The following TTLL5 variants were observed in gnomAD, a reference collection of about 807,000 sequenced individuals.
TTLL5 encodes the protein tubulin polyglutamylase TTLL5.
A neutral mutation model predicts 168.4 loss-of-function variants in TTLL5; 132 were observed. That is an observed-to-expected ratio of 0.78 (90% confidence interval 0.68 to 0.91). The LOEUF is 0.91. TTLL5 is among the 40% of genes least tolerant of loss of function. The pLI is 0.00. For synonymous variants in TTLL5, 546 were observed against 558.6 expected, an observed-to-expected ratio of 0.98 and a Z score of 0.32; for missense variants, 1,545 against 1,581.5, an observed-to-expected ratio of 0.98 and a Z score of 0.39.
chr14:75,662,803 A>G (rs1404640595), intron 1 of TTLL5, among the ~76,000 whole-genome samples: 1 of 152,176 alleles, frequency 6.6e-6, no homozygotes, highest in Non-Finnish European at 1.5e-5. Context: ...ATAATGAGAA[A>G]CTCAAACTTA....
chr14:75,743,650 C>G (rs952663185), intron 15 of TTLL5, among the ~76,000 whole-genome samples: 1 of 130,226 alleles, frequency 7.7e-6, no homozygotes, highest in African/African-American at 2.9e-5. Context: ...GGCGTGATCT[C>G]AGCTCACTGC....
intron 27 of TTLL5, among the ~76,000 whole-genome samples, chr14:75,811,965 C>T (rs1199076263): frequency 6.6e-6 from 1 of 152,194 alleles, no homozygotes; most frequent in Non-Finnish European, 1.5e-5. Flanking sequence ...TTCTCCTACC[C>T]CCTTTTCAAT....
At chr14:75,755,253 A>C (rs1445291908) in intron 18 of TTLL5, among the ~76,000 whole-genome samples, 1 of 144,658 alleles carries the variant, frequency 6.9e-6, no homozygotes, top group Non-Finnish European at 1.5e-5. Flanking sequence ...CAACCAGAGC[A>C]AAACTCTGTC....
chr14:75,749,627 C>T (rs1889827237), intron 17 of TTLL5, among the ~76,000 whole-genome samples: 1 of 152,046 alleles, frequency 6.6e-6, no homozygotes, highest in Non-Finnish European at 1.5e-5. Context: ...AAGAGAGGTG[C>T]TCAGTGCATC....
At chr14:75,908,715 TTCTG>T (rs1360692254) in intron 31 of TTLL5, among the ~76,000 whole-genome samples, 2 of 152,170 alleles carry the variant, frequency 1.3e-5, no homozygotes, top group African/African-American at 4.8e-5. Flanking sequence ...TTTTCTTAGA[TTCTG>T]TATTTGTCTG....
intron 18 of TTLL5, among the ~76,000 whole-genome samples, chr14:75,757,343 A>G (rs991303936): frequency 7.2e-5 from 11 of 152,090 alleles, no homozygotes; most frequent in South Asian, 4.1e-4. Context: ...TTTGAACCCC[A>G]TGAGAATTGA....
intron 9 of TTLL5, among the ~76,000 whole-genome samples, chr14:75,712,655 G>A (rs1337884655): frequency 6.6e-6 from 1 of 151,840 alleles, no homozygotes; most frequent in Admixed American, 6.6e-5. Context: ...AGCAACTCCA[G>A]TGCAGTTTCA....
chr14:75,833,893 G>A (rs367745347), intron 28 of TTLL5, among the ~76,000 whole-genome samples: 1 of 151,994 alleles, frequency 6.6e-6, no homozygotes, highest in East Asian at 1.9e-4. Context: ...CTCCTCAAAG[G>A]GTTATTTGTT....
intron 28 of TTLL5, among the ~76,000 whole-genome samples, chr14:75,855,497 A>G (rs936592311): frequency 1.3e-5 from 2 of 152,200 alleles, no homozygotes; most frequent in Non-Finnish European, 2.9e-5. Flanking sequence ...TTTGCACCAC[A>G]TGGAGCAGAT....
chr14:75,823,848 G>C (rs1454823070), intron 28 of TTLL5, among the ~76,000 whole-genome samples: 1 of 152,146 alleles, frequency 6.6e-6, no homozygotes, highest in Non-Finnish European at 1.5e-5. Context: ...TGAGAAGTTG[G>C]AACCATTTTC....
intron 31 of TTLL5, among the ~76,000 whole-genome samples, chr14:75,947,055 G>A (rs577815516): frequency 2.6e-5 from 4 of 152,358 alleles, no homozygotes; most frequent in Admixed American, 2.6e-4. Context: ...GGGCCAAGGA[G>A]AGGACTTGGC....
chr14:75,878,781 C>T (rs932534414), intron 29 of TTLL5, among the ~76,000 whole-genome samples: 2 of 152,010 alleles, frequency 1.3e-5, no homozygotes, highest in African/African-American at 4.8e-5. Flanking sequence ...TATCTAAGGT[C>T]CTACCATAAA....
intron 10 of TTLL5, among the ~76,000 whole-genome samples, chr14:75,718,288 G>A (rs1362390497): frequency 6.6e-6 from 1 of 152,196 alleles, no homozygotes; most frequent in Admixed American, 6.5e-5. Context: ...GGTCATTTCA[G>A]CACTTGGCAA....
In TTLL5 at chr14:75,868,040, G is replaced by A. The variant is rs184577773; in HGVS notation, c.3522+4178G>A. The stretch of plus-strand genomic sequence containing the variant: ...TGGGGTCTGTGAGGAGGGCTGCACC[G>A]GCTGTGAGGCCTGACTGACCTGATT... On this transcript the variant is annotated intron_variant, in intron 29 of 31. Transcript: ENST00000298832. 3.9e-5 allele frequency among the ~76,000 whole-genome samples: 6 copies of A among 152,310 alleles called. No individual in the cohort carries two copies. The East Asian group carries it at 1.2e-3, about 29-fold the overall frequency.
chr14:75,755,835 C>T (rs1301226731), intron 18 of TTLL5, among the ~76,000 whole-genome samples: 1 of 152,112 alleles, frequency 6.6e-6, no homozygotes, highest in Non-Finnish European at 1.5e-5. Context: ...ATTCTCTACT[C>T]ATTTCTTTTA....
chr14:75,937,512 A>C (rs2034470923), intron 31 of TTLL5, among the ~76,000 whole-genome samples: 1 of 152,034 alleles, frequency 6.6e-6, no homozygotes, highest in Non-Finnish European at 1.5e-5. Context: ...CCATTAAACA[A>C]TAACTCCTCA....
intron 28 of TTLL5, among the ~76,000 whole-genome samples, chr14:75,829,722 A>G (rs1895456917): frequency 6.6e-6 from 1 of 152,214 alleles, no homozygotes; most frequent in South Asian, 2.1e-4. Flanking sequence ...TCCCAGGTGT[A>G]TAGGCTACGG....
In TTLL5 at chr14:75,930,414, A is replaced by G. The variant is rs375581151; in HGVS notation, c.3824-24010A>G. ...AGTGCTAACGTGACACTCAAAGGAA[A>G]TGCACATTGGAGCATTTTGGATTTT... On this transcript the variant is annotated intron_variant, in intron 31 of 31. Coordinates refer to ENST00000298832, the MANE Select transcript of TTLL5 (RefSeq NM_015072.5). 4.1e-4 allele frequency among the ~76,000 whole-genome samples: 62 copies of G among 152,346 alleles called. No individual in the cohort carries two copies. In the South Asian group the frequency reaches 9.9e-3, roughly 24 times the overall value.
At chr14:75,845,631 A>G (rs961262608) in intron 28 of TTLL5, among the ~76,000 whole-genome samples, 2 of 152,198 alleles carry the variant, frequency 1.3e-5, no homozygotes, top group African/African-American at 4.8e-5. Context: ...TGTGCTTTGT[A>G]TGATTTGTGC....
Sources: allele counts gnomAD v4.1 joint callset (sites outside exome capture counted in the v4.1 genomes callset), GRCh38; gene constraint gnomAD v4.1.1; transcripts MANE v1.5; gene names NCBI Gene and HGNC (gene_info 2026-07-23, HGNC 2026-07-21).